Variants in CCDC30 observed in about 807,000 individuals in gnomAD.
CCDC30 encodes the protein coiled-coil domain-containing protein 30.
CCDC30 carries 70 observed loss-of-function variants against 100.2 expected under a neutral mutation model. That is an observed-to-expected ratio of 0.70 (90% CI 0.58 to 0.85). The LOEUF is 0.85. CCDC30 is among the 40% of genes least tolerant of loss of function. The pLI is 0.00. For missense variants in CCDC30, 652 were observed against 771.2 expected (o/e 0.85, Z 1.83); for synonymous variants, 233 against 269.5 (o/e 0.86, Z 1.33).
intron 11 of CCDC30, among the ~76,000 whole-genome samples, chr1:42,637,005 C>G (rs947935576): frequency 7.5e-6 from 1 of 132,696 alleles, no homozygotes; most frequent in Admixed American, 7.7e-5. Flanking sequence ...CCAAGATAAG[C>G]CAAATACTTG....
intron 10 of CCDC30, chr1:42,594,415 G>C (rs1023331954): frequency 2.0e-5 from 3 of 152,404 alleles, no homozygotes; most frequent in African/African-American, 7.2e-5. Flanking sequence ...ATGGGAGGCT[G>C]AGGTGGGAGG....
chr1:42,470,122 G>A (rs1643719642), intron 1 of CCDC30, among the ~76,000 whole-genome samples: 1 of 152,158 alleles, frequency 6.6e-6, no homozygotes, highest in African/African-American at 2.4e-5. Flanking sequence ...GTTGGTGAAG[G>A]ATTGAAATGA....
chr1:42,557,480 AT>A (rs754991889), intron 6 of CCDC30, among the ~76,000 whole-genome samples: 211 of 152,136 alleles, frequency 1.4e-3, no homozygotes, highest in Non-Finnish European at 6.9e-4. Flanking sequence ...GATCACAAAG[AT>A]TATCAAATAT....
At chr1:42,581,487 A>G (rs1557872118) in exon 9 of CCDC30, 1 of 1,613,612 alleles carries the variant, frequency 6.2e-7, no homozygotes. Flanking sequence ...AAAGTAAAGC[A>G]ACAATATCAA....
chr1:42,607,318 G>A (rs72959626), intron 10 of CCDC30, among the ~76,000 whole-genome samples: 6,471 of 152,138 alleles, frequency 0.043, 446 homozygotes, highest in African/African-American at 0.14. Context: ...CTTTAAAAAG[G>A]GTGGTTTGTT....
At chr1:42,592,305 G>A (rs1253165688) in intron 10 of CCDC30, 1 of 152,220 alleles carries the variant, frequency 6.6e-6, no homozygotes, top group Admixed American at 6.5e-5. Flanking sequence ...GTTGTTGGAG[G>A]TTGGGTCTGA....
chr1:42,577,109 G>T, exon 8 of CCDC30: 1 of 1,614,010 alleles, frequency 6.2e-7, no homozygotes, highest in East Asian at 2.2e-5. Context: ...AGCACTGTCA[G>T]CAGAAAATCA....
intron 6 of CCDC30, among the ~76,000 whole-genome samples, chr1:42,514,581 G>A (rs374821926): frequency 6.6e-6 from 1 of 152,086 alleles, no homozygotes; most frequent in South Asian, 2.1e-4. Flanking sequence ...CAATTTTAAT[G>A]GAGTTATTTA....
intron 6 of CCDC30, chr1:42,537,136 G>C (rs1644920394): frequency 2.2e-6 from 1 of 454,100 alleles, no homozygotes; most frequent in Non-Finnish European, 4.4e-6. Flanking sequence ...CTGAGTTCTA[G>C]CACTAAGCAA....
intron 1 of CCDC30, among the ~76,000 whole-genome samples, chr1:42,466,927 A>G (rs1212524870): frequency 6.6e-6 from 1 of 152,190 alleles, no homozygotes; most frequent in African/African-American, 2.4e-5. Context: ...TTTATAATTT[A>G]GTTTTATTAC....
Position 42,497,222 on chromosome 1 carries a change from A to G in CCDC30, c.357+9A>G. On this transcript the variant is annotated intron_variant, in intron 5 of 16. Coordinates refer to ENST00000668663, the Ensembl canonical transcript of CCDC30. ...AGGTGCTTGGTGAAATGGTAAGTTTAATTTACTTCTTAGAACGTATTTAAA... is the reference window on the plus strand; with the variant it reads ...AGGTGCTTGGTGAAATGGTAAGTTTGATTTACTTCTTAGAACGTATTTAAA... The G allele has an allele frequency of 8.3e-7, 1 of 1,209,534 alleles. No homozygotes were observed. 74.9% of individuals were successfully genotyped at this position (1,209,534 alleles called of 1,614,324 possible).
chr1:42,461,550 C>CT (rs34955190), upstream of CCDC30, among the ~76,000 whole-genome samples: 19,060 of 140,514 alleles, frequency 0.14, 1,424 homozygotes, highest in East Asian at 0.28. Flanking sequence ...TACCCAGGCT[C>CT]TTTTTTTTTT....
chr1:42,464,495 C>A (rs16829565), intron 1 of CCDC30, among the ~76,000 whole-genome samples: 21,172 of 152,142 alleles, frequency 0.14, 1,601 homozygotes, highest in East Asian at 0.18. Context: ...GCCTTCTTTT[C>A]CTGTCAATTT....
At chr1:42,522,707 A>G (rs1041808656) in intron 6 of CCDC30, among the ~76,000 whole-genome samples, 1 of 152,224 alleles carries the variant, frequency 6.6e-6, no homozygotes, top group Non-Finnish European at 1.5e-5. Flanking sequence ...ATAAACTAAC[A>G]ACTAAAAAAT....
intron 6 of CCDC30, among the ~76,000 whole-genome samples, chr1:42,524,282 G>A (rs1026810296): frequency 3.3e-5 from 5 of 152,050 alleles, no homozygotes; most frequent in Non-Finnish European, 5.9e-5. Flanking sequence ...GCATTAGCCT[G>A]ATGTATAAGC....
At chr1:42,598,826 CA>C (rs1646344450) in intron 10 of CCDC30, among the ~76,000 whole-genome samples, 2 of 151,698 alleles carry the variant, frequency 1.3e-5, no homozygotes, top group South Asian at 4.2e-4. Context: ...TTTGGGAGGC[CA>C]AGACAGGAGG....
intron 6 of CCDC30, chr1:42,537,453 G>T: frequency 2.8e-6 from 1 of 354,184 alleles, no homozygotes; most frequent in East Asian, 7.9e-5. Context: ...GTTTTGGGAG[G>T]CCACCCTCTA....
chr1:42,610,433 T>G (rs927027259), intron 10 of CCDC30, among the ~76,000 whole-genome samples: 4 of 151,822 alleles, frequency 2.6e-5, no homozygotes, highest in Non-Finnish European at 5.9e-5. Context: ...TTTTGTTTTG[T>G]TTTGTTTTGA....
At position 42,653,907 on chromosome 1, in the gene CCDC30, C is replaced by T. The variant is rs1381063173; in HGVS notation, c.2012C>T (p.Ser671Phe). Reference sequence around the variant, plus strand: ...AAAGAAGCAATGGCAAGTTCAAAGTCCCCTGAAAAGTCTCCTGAGAATCTT... The same window carrying T: ...AAAGAAGCAATGGCAAGTTCAAAGTTCCCTGAAAAGTCTCCTGAGAATCTT... The change falls in exon 17 of 17, where the codon TCC becomes TTC. Residue 671 changes from serine to phenylalanine, a missense_variant. By Grantham distance (155) the Ser-to-Phe change is radical. Transcript: ENST00000668663. 5 of 1,613,850 alleles carry T rather than the reference C, an allele frequency of 3.1e-6. No homozygotes were observed. In the East Asian group the frequency reaches 8.9e-5, roughly 29 times the overall value.
Sources: gnomAD v4.1 joint callset for allele counts (sites outside exome capture counted in the v4.1 genomes callset) on GRCh38, gnomAD v4.1.1 for gene constraint, MANE v1.5 for transcripts, NCBI Gene and HGNC (gene_info 2026-07-23, HGNC 2026-07-21) for gene names.